Variants in ZEB1 observed in about 807,000 individuals in gnomAD.
The protein encoded by ZEB1 is zinc finger E-box binding homeobox 1.
ZEB1 carries 21 observed loss-of-function variants against 84.9 expected under a neutral mutation model. The ratio of observed to expected loss-of-function variants is 0.25; its 90% confidence interval spans 0.18 to 0.36. The LOEUF is 0.36. ZEB1 is among the 10% of genes least tolerant of loss of function. The pLI is 1.00. For missense variants in ZEB1, 1,104 were observed against 1,330.2 expected, an observed-to-expected ratio of 0.83 and a Z score of 2.65; for synonymous variants, 420 against 471.1, an observed-to-expected ratio of 0.89 and a Z score of 1.41.
At chr10:31,490,923 C>T (rs1435726659) in intron 2 of ZEB1, among the ~76,000 whole-genome samples, 1 of 151,782 alleles carries the variant, frequency 6.6e-6, no homozygotes, top group Non-Finnish European at 1.5e-5. Flanking sequence ...TTTGATTCCA[C>T]AACTGGTTCA....
intron 1 of ZEB1, among the ~76,000 whole-genome samples, chr10:31,364,754 C>T (rs1464518759): frequency 6.6e-6 from 1 of 152,202 alleles, no homozygotes; most frequent in Non-Finnish European, 1.5e-5. Context: ...AGGCTTTGAA[C>T]CCAGGCTGTG....
chr10:31,348,285 T>TG (rs2040680520), intron 1 of ZEB1, among the ~76,000 whole-genome samples: 1 of 152,112 alleles, frequency 6.6e-6, no homozygotes, highest in South Asian at 2.1e-4. Flanking sequence ...GAGTCTAGGC[T>TG]GGGTGCAGTG....
intron 2 of ZEB1, among the ~76,000 whole-genome samples, chr10:31,490,116 A>T (rs2066320715): frequency 6.6e-6 from 1 of 151,318 alleles, no homozygotes. Context: ...GTATTTTTTT[A>T]AACTAGTTTG....
At chr10:31,452,510 G>A (rs558151842) in intron 1 of ZEB1, among the ~76,000 whole-genome samples, 1 of 151,914 alleles carries the variant, frequency 6.6e-6, no homozygotes, top group African/African-American at 2.4e-5. Context: ...TCCATTTTGT[G>A]TACCTGTTTG....
chr10:31,354,824 G>A (rs953565744), intron 1 of ZEB1, among the ~76,000 whole-genome samples: 15 of 152,214 alleles, frequency 9.9e-5, no homozygotes, highest in Non-Finnish European at 1.8e-4. Flanking sequence ...TTTCAATGCT[G>A]CATTATAGTG....
intron 1 of ZEB1, among the ~76,000 whole-genome samples, chr10:31,325,384 T>A (rs1377146880): frequency 1.3e-5 from 2 of 152,106 alleles, no homozygotes; most frequent in Non-Finnish European, 2.9e-5. Context: ...GTTACTTTTC[T>A]CTTTCTTCAA....
chr10:31,372,853 C>G (rs962839781), intron 1 of ZEB1, among the ~76,000 whole-genome samples: 3 of 151,862 alleles, frequency 2.0e-5, no homozygotes, highest in Non-Finnish European at 4.4e-5. Context: ...TCAGAAGATA[C>G]TAGAATTTTA....
chr10:31,491,680 C>T lies in ZEB1; in HGVS notation c.260-4096C>T, dbSNP rs187970355. ...TTACCCTTTAGAGTCTTTAAATAAC[C>T]GTTTCCTTCATTCTCAAGTTTTATT... is the stretch of plus-strand genomic sequence containing the variant. On this transcript the variant is annotated intron_variant, in intron 2 of 8. Transcript: ENST00000424869. Among the ~76,000 whole-genome samples, 323 of 151,924 alleles carry T rather than the reference C, an allele frequency of 2.1e-3. 1 individual carries two copies. Among genetic ancestry groups the T allele is most frequent in the Non-Finnish European group, 2.4e-3 (161 of 67,892 alleles).
At chr10:31,446,207 G>C (rs1186762997) in intron 1 of ZEB1, among the ~76,000 whole-genome samples, 1 of 152,166 alleles carries the variant, frequency 6.6e-6, no homozygotes, top group African/African-American at 2.4e-5. Flanking sequence ...TTTGCATAGA[G>C]CTGTTTGTAG....
chr10:31,342,305 C>T (rs1001854570), intron 1 of ZEB1, among the ~76,000 whole-genome samples: 1 of 151,864 alleles, frequency 6.6e-6, no homozygotes, highest in Admixed American at 6.6e-5. Flanking sequence ...GTGGTAGAGC[C>T]AGTAGGAAAG....
At chr10:31,477,476 A>G (rs1382701127) in intron 2 of ZEB1, among the ~76,000 whole-genome samples, 1 of 152,060 alleles carries the variant, frequency 6.6e-6, no homozygotes, top group Non-Finnish European at 1.5e-5. Context: ...CCTAATTACC[A>G]ATGTCATTCT....
At chr10:31,505,894 T>C (rs1473742466) in intron 4 of ZEB1, among the ~76,000 whole-genome samples, 1 of 152,020 alleles carries the variant, frequency 6.6e-6, no homozygotes, top group Non-Finnish European at 1.5e-5. Flanking sequence ...TGCTATATAC[T>C]TCCTCTTAGT....
intron 1 of ZEB1, among the ~76,000 whole-genome samples, chr10:31,360,468 A>G (rs980175986): frequency 3.3e-5 from 5 of 152,212 alleles, no homozygotes; most frequent in African/African-American, 9.7e-5. Context: ...TACTTTGGAA[A>G]TGGTATTTGC....
chr10:31,441,697 A>C (rs2059013312), intron 1 of ZEB1, among the ~76,000 whole-genome samples: 1 of 152,228 alleles, frequency 6.6e-6, no homozygotes, highest in Non-Finnish European at 1.5e-5. Context: ...CAATGAACTC[A>C]AACAAATTTA....
intron 7 of ZEB1, 96 bp from the exon 8 acceptor site, chr10:31,523,837 A>ATT (rs2072871726): frequency 1.4e-6 from 2 of 1,389,098 alleles, no homozygotes; most frequent in African/African-American, 2.9e-5. Context: ...GTATAAAAGT[A>ATT]TAAGTTAAAG....
chr10:31,382,447 T>C (rs2047862137), intron 1 of ZEB1, among the ~76,000 whole-genome samples: 1 of 152,150 alleles, frequency 6.6e-6, no homozygotes, highest in South Asian at 2.1e-4. Flanking sequence ...ACAAAATTTG[T>C]CCCATCTGTT....
chr10:31,450,053 TATAAA>T (rs2060361084), intron 1 of ZEB1, among the ~76,000 whole-genome samples: 1 of 152,224 alleles, frequency 6.6e-6, no homozygotes, highest in African/African-American at 2.4e-5. Context: ...TACTTCTCTA[TATAAA>T]CTGTAGACGT....
upstream of ZEB1, chr10:31,319,044 C>G (rs989666963): frequency 8.3e-5 from 53 of 638,540 alleles, no homozygotes; most frequent in Admixed American, 4.2e-4. Flanking sequence ...GCAAACCGCC[C>G]GGTCCCTAGC....
At chr10:31,456,268 G>C (rs1473418364) in intron 1 of ZEB1, among the ~76,000 whole-genome samples, 2 of 152,090 alleles carry the variant, frequency 1.3e-5, no homozygotes, top group African/African-American at 4.8e-5. Context: ...CGGGGTGGGG[G>C]TCTAGGGGAG....
Sources: allele counts gnomAD v4.1 joint callset (sites outside exome capture counted in the v4.1 genomes callset), GRCh38; gene constraint gnomAD v4.1.1; transcripts MANE v1.5; gene names NCBI Gene and HGNC (gene_info 2026-07-23, HGNC 2026-07-21).